TNKS2: variants seen among roughly 807,000 people sequenced by gnomAD.
TNKS2 encodes poly [ADP-ribose] polymerase tankyrase-2.
In TNKS2, 72 loss-of-function variants were observed where a neutral mutation model predicts 137.6. The ratio of observed to expected loss-of-function variants is 0.52; its 90% CI spans 0.43 to 0.64. The LOEUF (loss-of-function observed/expected upper bound fraction) is 0.64, where lower values mean the gene tolerates loss of function less well. Among genes scored for constraint, TNKS2 ranks in the 30% least tolerant of loss-of-function variants. TNKS2 has a pLI of 0.00. For missense variants in TNKS2, 1,049 were observed against 1,410.2 expected, an observed-to-expected ratio of 0.74 and a Z score of 4.10; for synonymous variants, 516 against 512.1, an observed-to-expected ratio of 1.01 and a Z score of -0.10.
intron 20 of TNKS2, 105 bp from the exon 21 acceptor site, chr10:91,851,105 TTTAAAA>T (rs1842526781): frequency 2.9e-6 from 4 of 1,357,486 alleles, no homozygotes; most frequent in Non-Finnish European, 4.0e-6. Flanking sequence ...TTTAGAAATG[TTTAAAA>T]TAATCTGGAG....
intron 25 of TNKS2, among the ~76,000 whole-genome samples, 152 bp from the exon 26 acceptor site, chr10:91,861,846 AT>A (rs767740756): frequency 3.3e-5 from 5 of 152,218 alleles, no homozygotes; most frequent in Non-Finnish European, 7.3e-5. Context: ...AATAGAAGAC[AT>A]TCTTAAAAAG....
intron 16 of TNKS2, 100 bp downstream of exon 16, chr10:91,842,491 A>C (rs1842239325): frequency 9.1e-7 from 1 of 1,101,022 alleles, no homozygotes; most frequent in Admixed American, 2.2e-5. Context: ...AATTCAAATC[A>C]GGCCAAGCAT....
intron 1 of TNKS2, among the ~76,000 whole-genome samples, chr10:91,809,094 G>T (rs960419602): frequency 6.6e-6 from 1 of 152,138 alleles, no homozygotes; most frequent in Admixed American, 6.5e-5. Flanking sequence ...ATAAAATACT[G>T]ATAGGAGTTG....
intron 7 of TNKS2, among the ~76,000 whole-genome samples, chr10:91,826,476 A>G (rs1311380857): frequency 1.3e-5 from 2 of 152,254 alleles, no homozygotes; most frequent in African/African-American, 4.8e-5. Context: ...TCTCAGCAAC[A>G]TTATATGTAT....
intron 1 of TNKS2, chr10:91,807,070 T>C: frequency 7.2e-7 from 1 of 1,383,898 alleles, no homozygotes; most frequent in South Asian, 1.3e-5. Context: ...ACCTCTAAGC[T>C]TCTGAACAGT....
intron 1 of TNKS2, among the ~76,000 whole-genome samples, chr10:91,802,569 C>T (rs181979037): frequency 6.6e-6 from 1 of 152,322 alleles, no homozygotes; most frequent in Admixed American, 6.5e-5. Context: ...TATAATCTCA[C>T]TAGTACAAGA....
At position 91,807,087 on chromosome 10, in the gene TNKS2, A is replaced by C. The variant is rs1456076431; in HGVS notation, c.200-5896A>C. The C allele has an allele frequency of 1.8e-5, 26 of 1,436,900 alleles. No homozygotes were observed. The East Asian group carries it at 3.2e-4, about 18-fold the overall frequency. 89.0% of individuals were successfully genotyped at this position (1,436,900 alleles called of 1,614,324 possible). A position where few individuals can be genotyped will look rare whatever the true frequency, so the allele number is the denominator to read the frequency against. ...CTCTAAGCTTCTGAACAGTCCACTT[A>C]GTTACATAAAGTACTTTCTGTCCCA... On this transcript the variant is annotated intron_variant, in intron 1 of 26. Transcript: ENST00000371627.
chr10:91,859,857 T>G (rs1371771223), intron 25 of TNKS2, among the ~76,000 whole-genome samples: 1 of 152,246 alleles, frequency 6.6e-6, no homozygotes, highest in Non-Finnish European at 1.5e-5. Flanking sequence ...CTTGACCTGT[T>G]TGGCTAATTT....
rs553938538 is a variant in TNKS2, at chr10:91,818,173, T to C, written c.520+944T>C. Among the ~76,000 whole-genome samples, 3 of 152,344 alleles carry C rather than the reference T, an allele frequency of 2.0e-5. No individual in the cohort carries two copies. The South Asian group carries it at 6.2e-4, about 32-fold the overall frequency. ...ATTTTTGTTTTTTAAATCTTGGGCC[T>C]CAAAAGAAGCATTGCCTTGGCAGTC... On this transcript the variant is annotated intron_variant, in intron 3 of 26. Coordinates refer to ENST00000371627, the MANE Select transcript of TNKS2 (RefSeq NM_025235.4).
At chr10:91,826,228 G>T (rs1464673281) in intron 7 of TNKS2, among the ~76,000 whole-genome samples, 2 of 152,160 alleles carry the variant, frequency 1.3e-5, no homozygotes, top group African/African-American at 4.8e-5. Flanking sequence ...AATTAAGTTT[G>T]TGTGCATAAG....
chr10:91,851,140 A>G, intron 20 of TNKS2, 76 bp from the exon 21 acceptor site: 1 of 1,521,150 alleles, frequency 6.6e-7, no homozygotes, highest in Non-Finnish European at 9.0e-7. Flanking sequence ...TGAATCTTAC[A>G]TATTATGAAA....
At chr10:91,846,017 C>G in intron 18 of TNKS2, 77 bp downstream of exon 18, 4 of 1,301,760 alleles carry the variant, frequency 3.1e-6, no homozygotes, top group Non-Finnish European at 3.0e-6. Flanking sequence ...TATAAAATGT[C>G]TTTATAGTCA....
chr10:91,818,880 A>G (rs1844795951), intron 3 of TNKS2, among the ~76,000 whole-genome samples: 1 of 152,190 alleles, frequency 6.6e-6, no homozygotes, highest in African/African-American at 2.4e-5. Context: ...TTTCTCTGTT[A>G]TAAAAATAAC....
intron 1 of TNKS2, 54 bp downstream of exon 1, chr10:91,798,943 G>A: frequency 5.3e-6 from 7 of 1,313,830 alleles, no homozygotes; most frequent in Non-Finnish European, 6.8e-6. Context: ...TGCGCAGCCG[G>A]GGCCCACAGG....
At chr10:91,804,702 T>G (rs2133585549) in intron 1 of TNKS2, among the ~76,000 whole-genome samples, 1 of 152,328 alleles carries the variant, frequency 6.6e-6, no homozygotes, top group South Asian at 2.1e-4. Context: ...CTTGAGACCA[T>G]AACAATAGAG....
rs78537058 is a variant in TNKS2, at chr10:91,825,506, G to T, written c.796-1511G>T. 1.6e-4 allele frequency among the ~76,000 whole-genome samples: 25 copies of T among 152,300 alleles called. 1 individual carries two copies. The East Asian group carries it at 4.8e-3, about 29-fold the overall frequency. On this transcript the variant is annotated intron_variant, in intron 7 of 26. Coordinates refer to ENST00000371627, the MANE Select transcript of TNKS2 (RefSeq NM_025235.4). ...GATATGAAAGATGAGTGCCCTTTAT[G>T]ATGTCTTTTGCTCCAAAGGCAAATA... is the stretch of plus-strand genomic sequence containing the variant.
At chr10:91,807,995 CAAAAAA>C (rs35736923) in intron 1 of TNKS2, among the ~76,000 whole-genome samples, 1 of 118,574 alleles carries the variant, frequency 8.4e-6, no homozygotes. Context: ...GACTCTGTCT[CAAAAAA>C]AAAAAAAAAA....
intron 26 of TNKS2, among the ~76,000 whole-genome samples, chr10:91,862,504 G>T (rs1477385319): frequency 6.6e-6 from 1 of 151,986 alleles, no homozygotes; most frequent in African/African-American, 2.4e-5. Flanking sequence ...AAAACAAGAA[G>T]ATTTTATTCA....
chr10:91,833,831 C>G (rs563604545), intron 11 of TNKS2, 22 bp from the exon 12 acceptor site: 1 of 1,545,076 alleles, frequency 6.5e-7, no homozygotes, highest in Non-Finnish European at 8.7e-7. Flanking sequence ...GGGCTAATTT[C>G]AATTTTTTCT....
Sources: allele counts gnomAD v4.1 joint callset (sites outside exome capture counted in the v4.1 genomes callset), GRCh38; gene constraint gnomAD v4.1.1; transcripts MANE v1.5; gene names NCBI Gene and HGNC (gene_info 2026-07-23, HGNC 2026-07-21).